MACROD2: variants seen among roughly 807,000 people sequenced by gnomAD.
The protein encoded by MACROD2 is ADP-ribose glycohydrolase MACROD2.
A neutral mutation model predicts 70.4 loss-of-function variants in MACROD2; 36 were observed. The observed-to-expected ratio is 0.51, with a 90% confidence interval of 0.39 to 0.68. The LOEUF is 0.68. Ranked by LOEUF, MACROD2 falls within the 30% of genes least tolerant of loss-of-function variation. MACROD2 has a pLI of 0.00. For synonymous variants in MACROD2, 172 were observed against 178.8 expected, an observed-to-expected ratio of 0.96 and a Z score of 0.30; for missense variants, 496 against 538.4, an observed-to-expected ratio of 0.92 and a Z score of 0.78.
At chr20:15,168,438 G>A (rs1180221055) in intron 5 of MACROD2, among the ~76,000 whole-genome samples, 1 of 131,114 alleles carries the variant, frequency 7.6e-6, no homozygotes, top group Non-Finnish European at 1.6e-5. Flanking sequence ...TCCACATTGT[G>A]GGATGTGTGT....
rs574127525 is a variant in MACROD2 at position 14,431,201 on chromosome 20, C to T, written c.272-62278C>T. Reference sequence around the variant, plus strand: ...ACATAAATTTAATAATAGCAATTAACATTTGAGTGATAATTATATTTCCAG... The same window carrying T: ...ACATAAATTTAATAATAGCAATTAATATTTGAGTGATAATTATATTTCCAG... On this transcript the variant is annotated intron_variant, in intron 3 of 17. Coordinates refer to ENST00000684519, the MANE Select transcript of MACROD2 (RefSeq NM_001351661.2). Among the ~76,000 whole-genome samples, 6 of 152,110 alleles carry T rather than the reference C, an allele frequency of 3.9e-5. No individual in the cohort carries two copies. In the East Asian group the frequency reaches 7.7e-4, roughly 20 times the overall value.
chr20:14,019,106 G>T (rs2053033636), intron 2 of MACROD2, among the ~76,000 whole-genome samples: 1 of 152,164 alleles, frequency 6.6e-6, no homozygotes, highest in African/African-American at 2.4e-5. Context: ...AGTTACTGAG[G>T]TTCTGTAACT....
At chr20:14,479,536 G>T (rs138644885) in intron 3 of MACROD2, among the ~76,000 whole-genome samples, 1 of 152,244 alleles carries the variant, frequency 6.6e-6, no homozygotes, top group Non-Finnish European at 1.5e-5. Flanking sequence ...AAGATGCCCT[G>T]CAACTATGCT....
chr20:14,728,564 G>A (rs2071557087), intron 5 of MACROD2, among the ~76,000 whole-genome samples: 1 of 152,092 alleles, frequency 6.6e-6, no homozygotes, highest in Admixed American at 6.6e-5. Flanking sequence ...TACCATTATT[G>A]TTTGTGTCAA....
At chr20:15,523,516 T>G (rs1016391364) in intron 8 of MACROD2, among the ~76,000 whole-genome samples, 3 of 152,158 alleles carry the variant, frequency 2.0e-5, no homozygotes, top group African/African-American at 7.2e-5. Context: ...TCACTGGGTT[T>G]TCTGTGCACC....
At chr20:14,508,163 C>T (rs550905089) in intron 4 of MACROD2, among the ~76,000 whole-genome samples, 6 of 152,220 alleles carry the variant, frequency 3.9e-5, no homozygotes, top group South Asian at 2.1e-4. Context: ...TCTGGTTCAC[C>T]GTTAGGATCA....
intron 4 of MACROD2, among the ~76,000 whole-genome samples, chr20:14,641,175 G>T (rs1049513726): frequency 1.3e-5 from 2 of 152,124 alleles, no homozygotes; most frequent in African/African-American, 2.4e-5. Flanking sequence ...TCCATCTCAA[G>T]AAACTATTTT....
At chr20:14,786,571 A>AAG (rs563734686) in intron 5 of MACROD2, among the ~76,000 whole-genome samples, 1 of 150,972 alleles carries the variant, frequency 6.6e-6, no homozygotes, top group Non-Finnish European at 1.5e-5. Context: ...GAAAAAAAAA[A>AAG]AGAGAGAGAG....
intron 5 of MACROD2, among the ~76,000 whole-genome samples, chr20:15,053,397 G>A (rs2075458295): frequency 6.6e-6 from 1 of 152,146 alleles, no homozygotes; most frequent in Non-Finnish European, 1.5e-5. Context: ...ACTTTAAGTT[G>A]CAGCCAGTGC....
At chr20:14,302,103 G>A (rs868829090) in intron 3 of MACROD2, among the ~76,000 whole-genome samples, 14 of 152,186 alleles carry the variant, frequency 9.2e-5, no homozygotes, top group African/African-American at 3.4e-4. Context: ...AAGTTCTGTA[G>A]ATCAGAAGTG....
intron 9 of MACROD2, among the ~76,000 whole-genome samples, chr20:15,879,393 A>T (rs1296382138): frequency 2.6e-5 from 4 of 152,120 alleles, no homozygotes; most frequent in African/African-American, 9.7e-5. Context: ...TGTTGCACAA[A>T]TATGACTCAA....
intron 5 of MACROD2, chr20:14,892,842 C>A (rs949786394): frequency 1.3e-5 from 2 of 152,100 alleles, no homozygotes; most frequent in African/African-American, 4.8e-5. Context: ...CCACTCCCCG[C>A]TAATTTTTGT....
chr20:14,547,821 A>G (rs1978368080), intron 4 of MACROD2, among the ~76,000 whole-genome samples: 1 of 152,156 alleles, frequency 6.6e-6, no homozygotes, highest in African/African-American at 2.4e-5. Flanking sequence ...TGAGAACTTA[A>G]GAGGGGCTGG....
intron 13 of MACROD2, among the ~76,000 whole-genome samples, chr20:15,980,489 A>G (rs1317088097): frequency 6.6e-6 from 1 of 152,216 alleles, no homozygotes; most frequent in Non-Finnish European, 1.5e-5. Context: ...TAAGGTAGCG[A>G]TGAAGATTTT....
At chr20:14,515,530 A>G (rs1440098290) in intron 4 of MACROD2, among the ~76,000 whole-genome samples, 1 of 151,812 alleles carries the variant, frequency 6.6e-6, no homozygotes, top group African/African-American at 2.4e-5. Flanking sequence ...AAAAAAGAAG[A>G]AAATTCTGGC....
At chr20:15,851,476 A>T (rs1254522392) in intron 8 of MACROD2, among the ~76,000 whole-genome samples, 1 of 151,954 alleles carries the variant, frequency 6.6e-6, no homozygotes, top group Non-Finnish European at 1.5e-5. Flanking sequence ...GTGTCTTTAC[A>T]TGGTCTTCCC....
At chr20:15,087,475 A>G (rs903677086) in intron 5 of MACROD2, among the ~76,000 whole-genome samples, 4 of 152,062 alleles carry the variant, frequency 2.6e-5, no homozygotes, top group African/African-American at 9.6e-5. Flanking sequence ...TGTGGTAAGA[A>G]TGTTTTATTT....
At chr20:15,605,453 C>CATGTGT (rs71340232) in intron 8 of MACROD2, among the ~76,000 whole-genome samples, 3 of 141,692 alleles carry the variant, frequency 2.1e-5, no homozygotes, top group African/African-American at 7.9e-5. Flanking sequence ...AGGATGTAAG[C>CATGTGT]GTGTGTGTGT....
At chr20:14,499,546 C>T (rs561495707) in intron 4 of MACROD2, among the ~76,000 whole-genome samples, 1 of 151,934 alleles carries the variant, frequency 6.6e-6, no homozygotes, top group Admixed American at 6.6e-5. Context: ...AAAAAAAAAT[C>T]CTGACTGCCT....
Sources: allele counts gnomAD v4.1 joint callset (sites outside exome capture counted in the v4.1 genomes callset), GRCh38; gene constraint gnomAD v4.1.1; transcripts MANE v1.5; gene names NCBI Gene and HGNC (gene_info 2026-07-23, HGNC 2026-07-21).